LDB2: variants seen among roughly 807,000 people sequenced by gnomAD.
LDB2 encodes LIM domain-binding protein 2.
Under a neutral mutation model 44.3 loss-of-function variants are expected in LDB2, and 12 were observed. That is an observed-to-expected ratio of 0.27 (90% CI 0.17 to 0.44). LDB2 has a LOEUF of 0.44. LDB2 is among the 20% of genes least tolerant of loss of function. LDB2 has a pLI of 1.00. For synonymous variants in LDB2, 164 were observed against 174.8 expected (o/e 0.94, Z 0.49); for missense variants, 344 against 473.5 (o/e 0.73, Z 2.54).
At chr4:16,736,329 T>C (rs1267860693) in intron 2 of LDB2, among the ~76,000 whole-genome samples, 2 of 152,192 alleles carry the variant, frequency 1.3e-5, no homozygotes, top group African/African-American at 4.8e-5. Context: ...GAAATTAGAC[T>C]CAACACACAA....
At chr4:16,693,853 A>G (rs995839926) in intron 2 of LDB2, among the ~76,000 whole-genome samples, 3 of 152,214 alleles carry the variant, frequency 2.0e-5, no homozygotes, top group African/African-American at 7.2e-5. Context: ...AATTCCAGGA[A>G]TTCCAGGGGA....
At chr4:16,894,986 T>G (rs1362624057) in intron 1 of LDB2, among the ~76,000 whole-genome samples, 1 of 152,122 alleles carries the variant, frequency 6.6e-6, no homozygotes, top group Non-Finnish European at 1.5e-5. Flanking sequence ...CACACTTTTC[T>G]GGTGTTTATG....
intron 2 of LDB2, chr4:16,653,913 A>G (rs1739002842): frequency 6.6e-6 from 1 of 152,194 alleles, no homozygotes; most frequent in Admixed American, 6.5e-5. Flanking sequence ...TTGGGGTAAC[A>G]AATTTGGTAG....
chr4:16,586,511 C>CA (rs1485289358), intron 4 of LDB2, among the ~76,000 whole-genome samples: 1,630 of 87,226 alleles, frequency 0.019, 23 homozygotes, highest in Non-Finnish European at 0.032. Flanking sequence ...CACACACACA[C>CA]ACACACACAC....
chr4:16,867,039 A>C (rs557991645), intron 1 of LDB2, among the ~76,000 whole-genome samples: 3 of 152,294 alleles, frequency 2.0e-5, no homozygotes, highest in South Asian at 4.1e-4. Context: ...AGGTGCTGAA[A>C]GATAATATGA....
intron 5 of LDB2, among the ~76,000 whole-genome samples, chr4:16,554,430 G>A (rs141862337): frequency 2.4e-4 from 36 of 152,196 alleles, no homozygotes; most frequent in African/African-American, 8.7e-4. Context: ...AATCTACTGT[G>A]GAGGTCAGGA....
At chr4:16,764,247 AC>A (rs1189053215) in intron 1 of LDB2, among the ~76,000 whole-genome samples, 1 of 152,042 alleles carries the variant, frequency 6.6e-6, no homozygotes, top group Non-Finnish European at 1.5e-5. Context: ...CGGAGTTCAT[AC>A]CCTTTTTCCC....
At chr4:16,759,473 CCA>C (rs1335513433) in intron 1 of LDB2, 1 of 498,902 alleles carries the variant, frequency 2.0e-6, no homozygotes, top group Non-Finnish European at 3.5e-6. Flanking sequence ...TGAGCTCAAA[CCA>C]ATCGAATAAA....
intron 1 of LDB2, among the ~76,000 whole-genome samples, chr4:16,771,311 A>T (rs1202480450): frequency 6.6e-6 from 1 of 152,218 alleles, no homozygotes; most frequent in Admixed American, 6.5e-5. Flanking sequence ...AAACCTAGAA[A>T]AAAATAATGT....
chr4:16,536,642 G>C (rs905256990), intron 5 of LDB2, among the ~76,000 whole-genome samples: 1 of 152,172 alleles, frequency 6.6e-6, no homozygotes, highest in African/African-American at 2.4e-5. Context: ...AGTCATCCCA[G>C]GGTAGAGGGA....
rs1040302991 is a variant in LDB2 at position 16,575,673 on chromosome 4, C to T, written c.615+10249G>A. On this transcript the variant is annotated intron_variant, in intron 5 of 7. Coordinates refer to ENST00000304523, the MANE Select transcript of LDB2 (RefSeq NM_001290.5). Reference sequence around the variant, plus strand: ...AGGAATTTTGGAAACTATACAAATACATGAAAATGAGACGATATGCTCCTG... The same window carrying T: ...AGGAATTTTGGAAACTATACAAATATATGAAAATGAGACGATATGCTCCTG... Among the ~76,000 whole-genome samples the T allele has an allele frequency of 5.9e-5, 9 of 152,338 alleles. No homozygotes were observed. The South Asian group carries it at 1.0e-3, about 18-fold the overall frequency.
intron 2 of LDB2, among the ~76,000 whole-genome samples, chr4:16,617,089 G>A (rs532666476): frequency 1.0e-3 from 158 of 152,146 alleles, no homozygotes; most frequent in Admixed American, 2.4e-3. Flanking sequence ...TATGGCAACC[G>A]TAAAGAAGGA....
At chr4:16,865,987 C>G (rs1714579866) in intron 1 of LDB2, among the ~76,000 whole-genome samples, 1 of 152,292 alleles carries the variant, frequency 6.6e-6, no homozygotes, top group Admixed American at 6.5e-5. Context: ...TCAGCTACCC[C>G]CATTCAGGCA....
intron 2 of LDB2, among the ~76,000 whole-genome samples, chr4:16,649,304 G>T (rs980606718): frequency 6.6e-6 from 1 of 152,142 alleles, no homozygotes; most frequent in Non-Finnish European, 1.5e-5. Context: ...CCCAAGTGTT[G>T]CCTGTAAAAT....
chr4:16,870,903 G>A (rs1318395004), intron 1 of LDB2, among the ~76,000 whole-genome samples: 1 of 152,108 alleles, frequency 6.6e-6, no homozygotes, highest in Non-Finnish European at 1.5e-5. Flanking sequence ...CAAAGTGCTA[G>A]GATTACAGGC....
intron 5 of LDB2, among the ~76,000 whole-genome samples, chr4:16,548,341 A>G (rs1202817773): frequency 6.6e-6 from 1 of 152,082 alleles, no homozygotes; most frequent in Admixed American, 6.5e-5. Flanking sequence ...AAGGCTTCTG[A>G]TCCCAAATCT....
chr4:16,502,948 AG>A, intron 7 of LDB2, 75 bp from the exon 8 acceptor site: 1 of 1,604,184 alleles, frequency 6.2e-7, no homozygotes, highest in Admixed American at 1.7e-5. Flanking sequence ...CAGTGGGAGG[AG>A]TCGGGGAATC....
chr4:16,798,070 C>T (rs1777090074), intron 1 of LDB2, among the ~76,000 whole-genome samples: 1 of 149,858 alleles, frequency 6.7e-6, no homozygotes, highest in Non-Finnish European at 1.5e-5. Flanking sequence ...TAATCTTAGG[C>T]AAATTATTTT....
intron 1 of LDB2, among the ~76,000 whole-genome samples, chr4:16,783,324 G>A (rs1234388747): frequency 6.6e-6 from 1 of 152,220 alleles, no homozygotes; most frequent in Non-Finnish European, 1.5e-5. Flanking sequence ...AGATGTTTAT[G>A]GTCAGGAAGG....
Sources: allele counts gnomAD v4.1 joint callset (sites outside exome capture counted in the v4.1 genomes callset), GRCh38; gene constraint gnomAD v4.1.1; transcripts MANE v1.5; gene names NCBI Gene and HGNC (gene_info 2026-07-23, HGNC 2026-07-21).